Variants in SOX30 observed in about 807,000 individuals in gnomAD.
SOX30 encodes the protein SRY-box transcription factor 30, also known as transcription factor SOX-30.
SOX30 carries 17 observed loss-of-function variants against 58.6 expected under a neutral mutation model. The observed-to-expected ratio is 0.29, with a 90% CI of 0.20 to 0.44. The LOEUF (loss-of-function observed/expected upper bound fraction) is 0.44, where lower values mean the gene tolerates loss of function less well. Among genes scored for constraint, SOX30 ranks in the 20% least tolerant of loss-of-function variants. SOX30 has a pLI of 1.00. For missense variants in SOX30, 951 were observed against 965.8 expected, an observed-to-expected ratio of 0.98 and a Z score of 0.20; for synonymous variants, 421 against 400.2, an observed-to-expected ratio of 1.05 and a Z score of -0.62.
rs1758992947 is a variant in SOX30 at position 157,638,741 on chromosome 5, C to G, written c.1388-19G>C. 1 of 1,566,948 alleles carries G rather than the reference C, an allele frequency of 6.4e-7. No individual in the cohort carries two copies. The highest frequency in any genetic ancestry group is 1.9e-5 in the Admixed American group (1 of 51,488). ...GTTTCACCTTTAGAAATAAAAATAG[C>G]ATAAATCAAGAATTAACTGAGTCAT... On this transcript the variant is annotated intron_variant, in intron 3 of 4. Transcript: ENST00000265007.
intron 3 of SOX30, among the ~76,000 whole-genome samples, chr5:157,644,334 AC>A (rs938901130): frequency 6.6e-6 from 1 of 152,190 alleles, no homozygotes; most frequent in Non-Finnish European, 1.5e-5. Context: ...AAAAAACAAA[AC>A]AAAAAACTAA....
upstream of SOX30, among the ~76,000 whole-genome samples, chr5:157,653,520 T>G (rs1759412244): frequency 6.6e-6 from 1 of 152,220 alleles, no homozygotes; most frequent in African/African-American, 2.4e-5. Context: ...TCACTACCTG[T>G]GTTAAGGGCT....
intron 3 of SOX30, among the ~76,000 whole-genome samples, chr5:157,645,357 C>T (rs1759163277): frequency 1.3e-5 from 2 of 152,066 alleles, no homozygotes; most frequent in South Asian, 4.1e-4. Flanking sequence ...CAGGTTTACG[C>T]AGTCTTAGTA....
intron 4 of SOX30, among the ~76,000 whole-genome samples, chr5:157,627,364 AAAAAAC>A (rs898388345): frequency 2.0e-5 from 3 of 152,144 alleles, no homozygotes; most frequent in Non-Finnish European, 4.4e-5. Flanking sequence ...TCCGCCTCCA[AAAAAAC>A]AAAAACAAAC....
At chr5:157,639,929 G>A (rs1317082797) in intron 3 of SOX30, among the ~76,000 whole-genome samples, 2 of 152,162 alleles carry the variant, frequency 1.3e-5, no homozygotes, top group Admixed American at 6.5e-5. Flanking sequence ...AGGGAATTAA[G>A]GGACATAGCC....
intron 2 of SOX30, among the ~76,000 whole-genome samples, chr5:157,659,710 C>A (rs534593461): frequency 2.0e-4 from 31 of 152,260 alleles, no homozygotes; most frequent in Admixed American, 1.6e-3. Context: ...CTACAGCTTG[C>A]TTTTATACAT....
intron 4 of SOX30, among the ~76,000 whole-genome samples, chr5:157,635,444 T>C (rs1426701902): frequency 2.0e-5 from 3 of 151,990 alleles, no homozygotes; most frequent in Non-Finnish European, 4.4e-5. Context: ...ACCAATATGG[T>C]GAAACCCCAT....
Position 157,651,530 on chromosome 5 carries a change from C to T in SOX30, c.549G>A (p.Lys183=). The change falls in exon 1 of 5, where the codon AAG becomes AAA. Residue 183 remains lysine (K), a synonymous_variant. Coordinates refer to ENST00000265007, the MANE Select transcript of SOX30 (RefSeq NM_178424.2). ...PALGYFRGDE[K]GKLEAEEVMR... is the part of the protein sequence containing the mutation. ...TGACCTCCTCCGCCTCCAGCTTGCC[C>T]TTCTCGTCCCCTCGGAAGTAGCCGA... 1.2e-6 allele frequency: 2 copies of T among 1,613,412 alleles called. No individual in the cohort carries two copies. The highest frequency in any genetic ancestry group is 1.7e-6 in the Non-Finnish European group (2 of 1,180,028).
At chr5:157,662,212 A>G (rs951281743) in intron 2 of SOX30, among the ~76,000 whole-genome samples, 3 of 152,164 alleles carry the variant, frequency 2.0e-5, no homozygotes, top group African/African-American at 4.8e-5. Context: ...TTTAATCCCA[A>G]TTTTGGTAAT....
intron 2 of SOX30, among the ~76,000 whole-genome samples, chr5:157,664,982 A>C (rs1759644729): frequency 2.0e-5 from 3 of 152,196 alleles, no homozygotes; most frequent in Admixed American, 2.0e-4. Context: ...AAATAGGAAC[A>C]CTTTTACACT....
chr5:157,645,538 T>C (rs1759168154), intron 3 of SOX30, among the ~76,000 whole-genome samples: 1 of 151,746 alleles, frequency 6.6e-6, no homozygotes, highest in Admixed American at 6.6e-5. Flanking sequence ...GGTGTGCACC[T>C]ATAGTCCCAG....
chr5:157,651,913 C>A lies in SOX30; in HGVS notation c.166G>T (p.Gly56Trp), dbSNP rs747339848. Reference sequence around the variant, plus strand: ...TGTAAGCCGGACGCCACTGCCTCCCCGCACGACGAGGCCAAGGTCGCACTG... The same window carrying A: ...TGTAAGCCGGACGCCACTGCCTCCCAGCACGACGAGGCCAAGGTCGCACTG... ...AASATLASSC[G>W]EAVASGLQPA... Residue 56 changes from glycine (G) to tryptophan (W), a missense_variant, in exon 1 of 5, where the codon GGG (glycine) becomes TGG (tryptophan). Gly to Trp is a radical substitution (Grantham distance 184). This residue lies in a region of SOX30 where 363 missense variants were observed against 294.5 expected (regional missense o/e 1.23). Transcript: ENST00000265007. 11 of 1,518,070 alleles carry A rather than the reference C, an allele frequency of 7.2e-6. No individual in the cohort carries two copies. The highest frequency in any genetic ancestry group is 3.8e-5 in the South Asian group (3 of 78,716). The allele number at this position is 1,518,070 out of a possible 1,614,324, so 94.0% of individuals were successfully genotyped here.
intron 4 of SOX30, 63 bp from the exon 5 acceptor site, chr5:157,626,784 TA>T: frequency 6.6e-7 from 1 of 1,508,646 alleles, no homozygotes; most frequent in Non-Finnish European, 8.8e-7. Flanking sequence ...GCATACAGAC[TA>T]ACAGAGCAAG....
intron 2 of SOX30, among the ~76,000 whole-genome samples, chr5:157,665,588 T>TA (rs1759654293): frequency 6.8e-6 from 1 of 148,014 alleles, no homozygotes; most frequent in Non-Finnish European, 1.5e-5. Flanking sequence ...CCCTAAAACT[T>TA]AAAGTATAAT....
intron 2 of SOX30, among the ~76,000 whole-genome samples, chr5:157,664,095 C>A: frequency 7.2e-6 from 1 of 139,098 alleles, no homozygotes; most frequent in Admixed American, 7.2e-5. Flanking sequence ...TTGGAAAAAA[C>A]TAAAGTTCAT....
chr5:157,630,818 G>T, intron 4 of SOX30, among the ~76,000 whole-genome samples: 1 of 139,776 alleles, frequency 7.2e-6, no homozygotes, highest in African/African-American at 2.7e-5. Flanking sequence ...GTGGCCTTCT[G>T]GATTTCCCAT....
Position 157,651,739 on chromosome 5 carries a change from T to C in SOX30, c.340A>G (p.Thr114Ala). The C allele has an allele frequency of 6.4e-7, 1 of 1,560,622 alleles. No homozygotes were observed. Among genetic ancestry groups the C allele is most frequent in the Non-Finnish European group, 8.7e-7 (1 of 1,155,784 alleles). ...CTGGAGGTGGCGCCGTCTGACGCTG[T>C]CGGCGGCTGCAGGAGCCGCAGGTCG... is the stretch of plus-strand genomic sequence containing the variant. ...RPDLRLLQPP[T>A]ASDGATSRPE... The change falls in exon 1 of 5, where the codon ACA becomes GCA. Residue 114 changes from threonine to alanine, a missense_variant. This residue lies in a region of SOX30 where 363 missense variants were observed against 294.5 expected (regional missense o/e 1.23). Coordinates refer to ENST00000265007, the MANE Select transcript of SOX30 (RefSeq NM_178424.2).
At chr5:157,626,761 C>T in intron 4 of SOX30, 40 bp from the exon 5 acceptor site, 1 of 1,549,358 alleles carries the variant, frequency 6.5e-7, no homozygotes, top group African/African-American at 1.4e-5. Context: ...AGATCTTGCC[C>T]ACATATTGCC....
exon 1 of SOX30, chr5:157,671,431 ACT>A (rs1217513279): frequency 6.8e-6 from 4 of 591,004 alleles, no homozygotes; most frequent in Non-Finnish European, 1.2e-5. Flanking sequence ...TGGCCGCCGG[ACT>A]CTGCACGCAT....
Sources: allele counts gnomAD v4.1 joint callset (sites outside exome capture counted in the v4.1 genomes callset), GRCh38; gene constraint gnomAD v4.1.1; regional missense constraint gnomAD v4.1.1; transcripts MANE v1.5; gene names NCBI Gene and HGNC (gene_info 2026-07-23, HGNC 2026-07-21).